Variants in DLG2 observed in about 807,000 individuals in gnomAD.
DLG2 encodes the protein disks large homolog 2.
DLG2 carries 45 observed loss-of-function variants against 132.5 expected under a neutral mutation model. The observed-to-expected ratio is 0.34, with a 90% CI of 0.27 to 0.44. DLG2 has a LOEUF of 0.44. Ranked by LOEUF, DLG2 falls within the 20% of genes least tolerant of loss-of-function variation. The pLI, the probability that DLG2 is intolerant of heterozygous loss-of-function variation, is 1.00. For synonymous variants in DLG2, 424 were observed against 419.6 expected (o/e 1.01, Z -0.13); for missense variants, 1,045 against 1,196.9 (o/e 0.87, Z 1.87).
intron 4 of DLG2, among the ~76,000 whole-genome samples, chr11:85,247,952 G>T (rs2076218017): frequency 6.6e-6 from 1 of 151,970 alleles, no homozygotes; most frequent in African/African-American, 2.4e-5. Flanking sequence ...ATCATTCTCT[G>T]CAACTTGCCA....
intron 6 of DLG2, among the ~76,000 whole-genome samples, chr11:85,030,104 C>A (rs998187565): frequency 6.6e-6 from 1 of 152,200 alleles, no homozygotes; most frequent in Non-Finnish European, 1.5e-5. Flanking sequence ...CTGCCCACTT[C>A]GCAAATACTT....
At chr11:85,029,029 A>G (rs1400502815) in intron 6 of DLG2, among the ~76,000 whole-genome samples, 1 of 152,206 alleles carries the variant, frequency 6.6e-6, no homozygotes. Flanking sequence ...ATGAAGGGGA[A>G]GCAAATACAT....
intron 6 of DLG2, among the ~76,000 whole-genome samples, chr11:84,606,561 G>C (rs926716326): frequency 1.3e-5 from 2 of 151,992 alleles, no homozygotes; most frequent in African/African-American, 4.8e-5. Flanking sequence ...TTGCAAAACT[G>C]CAAGATAAAA....
At chr11:83,696,738 G>T (rs538475893) in intron 18 of DLG2, among the ~76,000 whole-genome samples, 1 of 152,288 alleles carries the variant, frequency 6.6e-6, no homozygotes, top group South Asian at 2.1e-4. Context: ...AAATGACTAT[G>T]TGCAGAGTAT....
chr11:84,178,065 G>A (rs1330730840), intron 8 of DLG2, among the ~76,000 whole-genome samples: 3 of 151,940 alleles, frequency 2.0e-5, no homozygotes, highest in African/African-American at 7.2e-5. Context: ...TTCCAGTCTG[G>A]GGCTGCACAT....
intron 9 of DLG2, among the ~76,000 whole-genome samples, chr11:84,161,915 AT>A (rs2095555682): frequency 6.6e-6 from 1 of 152,158 alleles, no homozygotes; most frequent in Non-Finnish European, 1.5e-5. Context: ...TACCATTAAA[AT>A]TTTATCAAGT....
At chr11:84,526,809 T>A (rs1332716296) in intron 7 of DLG2, among the ~76,000 whole-genome samples, 2 of 145,834 alleles carry the variant, frequency 1.4e-5, no homozygotes, top group African/African-American at 2.5e-5. Flanking sequence ...GACGGAGTCT[T>A]GCTCTGTCGC....
At chr11:85,346,014 C>T (rs945087685) in intron 3 of DLG2, among the ~76,000 whole-genome samples, 1 of 151,728 alleles carries the variant, frequency 6.6e-6, no homozygotes, top group Non-Finnish European at 1.5e-5. Context: ...GTCCACAGTG[C>T]AAAGTAAAAG....
intron 4 of DLG2, among the ~76,000 whole-genome samples, chr11:85,209,917 C>G (rs2082150510): frequency 6.6e-6 from 1 of 151,744 alleles, no homozygotes; most frequent in Non-Finnish European, 1.5e-5. Context: ...GGCTTTGTAC[C>G]TTTTATTCTC....
chr11:85,355,230 A>G (rs2083602372), intron 3 of DLG2, among the ~76,000 whole-genome samples: 1 of 151,796 alleles, frequency 6.6e-6, no homozygotes, highest in Admixed American at 6.6e-5. Flanking sequence ...TGTGCAAGGT[A>G]TTTTTCTAGG....
At chr11:83,708,810 A>G (rs12292051) in intron 18 of DLG2, among the ~76,000 whole-genome samples, 6,338 of 152,260 alleles carry the variant, frequency 0.042, 465 homozygotes, top group African/African-American at 0.14. Context: ...ACTGGGGGAT[A>G]GAAGATCAAT....
At chr11:84,709,095 T>C (rs1238754523) in intron 6 of DLG2, among the ~76,000 whole-genome samples, 1 of 151,836 alleles carries the variant, frequency 6.6e-6, no homozygotes, top group Non-Finnish European at 1.5e-5. Context: ...TCTATCAGAC[T>C]CTGAAGTGAG....
At chr11:84,596,852 T>C (rs1352225294) in intron 6 of DLG2, among the ~76,000 whole-genome samples, 1 of 152,198 alleles carries the variant, frequency 6.6e-6, no homozygotes. Context: ...CAAAATACTA[T>C]TTCTAAAAGA....
chr11:85,530,411 C>T (rs1354435084), intron 3 of DLG2, among the ~76,000 whole-genome samples: 1 of 151,710 alleles, frequency 6.6e-6, no homozygotes, highest in Non-Finnish European at 1.5e-5. Flanking sequence ...ACCTCCGCCT[C>T]CCAGGTTCAA....
At chr11:85,019,312 A>G (rs548926397) in intron 6 of DLG2, among the ~76,000 whole-genome samples, 1 of 152,316 alleles carries the variant, frequency 6.6e-6, no homozygotes, top group Admixed American at 6.5e-5. Context: ...GCGCAGACCA[A>G]TATGAATTAA....
chr11:83,749,431 A>G (rs2093155470), intron 18 of DLG2, among the ~76,000 whole-genome samples: 1 of 152,316 alleles, frequency 6.6e-6, no homozygotes, highest in African/African-American at 2.4e-5. Flanking sequence ...AGCAACCACA[A>G]GGCCTAGGAA....
intron 18 of DLG2, among the ~76,000 whole-genome samples, chr11:83,782,961 A>C (rs2094897047): frequency 6.6e-6 from 1 of 152,226 alleles, no homozygotes; most frequent in Non-Finnish European, 1.5e-5. Flanking sequence ...ATAGGTAATT[A>C]AAGGTTTGAC....
At chr11:84,639,193 G>A (rs766939890) in intron 6 of DLG2, among the ~76,000 whole-genome samples, 1 of 151,932 alleles carries the variant, frequency 6.6e-6, no homozygotes, top group Non-Finnish European at 1.5e-5. Context: ...GGAAAGAGTT[G>A]CTTATTTTTG....
At chr11:84,222,941 G>T (rs997128051) in intron 8 of DLG2, among the ~76,000 whole-genome samples, 1 of 152,168 alleles carries the variant, frequency 6.6e-6, no homozygotes, top group African/African-American at 2.4e-5. Flanking sequence ...TAATACTTGG[G>T]TATATTTTGT....
Sources: allele counts gnomAD v4.1 joint callset (sites outside exome capture counted in the v4.1 genomes callset), GRCh38; gene constraint gnomAD v4.1.1; transcripts MANE v1.5; gene names NCBI Gene and HGNC (gene_info 2026-07-23, HGNC 2026-07-21).